Variants in HACD2 observed in about 807,000 individuals in gnomAD.
The protein encoded by HACD2 is 3-hydroxyacyl-CoA dehydratase 2, also known as very-long-chain (3R)-3-hydroxyacyl-CoA dehydratase 2.
A neutral mutation model predicts 31.0 loss-of-function variants in HACD2; 15 were observed. The ratio of observed to expected loss-of-function variants is 0.48; its 90% CI spans 0.32 to 0.75. The LOEUF (loss-of-function observed/expected upper bound fraction) is 0.75, where lower values mean the gene tolerates loss of function less well. Ranked by LOEUF, HACD2 falls within the 30% of genes least tolerant of loss-of-function variation. The probability of loss-of-function intolerance (pLI) is 0.03; values close to 1 mark genes in which losing one functional copy is unlikely to be tolerated. For missense variants in HACD2, 283 were observed against 313.0 expected, an observed-to-expected ratio of 0.90 and a Z score of 0.72; for synonymous variants, 115 against 122.2, an observed-to-expected ratio of 0.94 and a Z score of 0.39.
intron 2 of HACD2, among the ~76,000 whole-genome samples, chr3:123,574,925 G>C (rs545220900): frequency 6.6e-6 from 1 of 152,076 alleles, no homozygotes; most frequent in African/African-American, 2.4e-5. Context: ...ACTCTGGAGT[G>C]ATACAAAATT....
chr3:123,561,791 A>AC (rs1358547668), intron 3 of HACD2, among the ~76,000 whole-genome samples: 132 of 151,286 alleles, frequency 8.7e-4, no homozygotes, highest in Non-Finnish European at 1.2e-3. Flanking sequence ...AAAAAAAAAA[A>AC]CATATCTCAG....
At chr3:123,569,554 C>T (rs923331116) in intron 2 of HACD2, among the ~76,000 whole-genome samples, 2 of 152,092 alleles carry the variant, frequency 1.3e-5, no homozygotes, top group African/African-American at 4.8e-5. Context: ...TATGGACAGG[C>T]TTTTGCCATG....
At chr3:123,526,315 G>T (rs1486512727) in intron 4 of HACD2, among the ~76,000 whole-genome samples, 1 of 152,168 alleles carries the variant, frequency 6.6e-6, no homozygotes, top group Non-Finnish European at 1.5e-5. Flanking sequence ...GATGAATGAG[G>T]AGTTCTGTGC....
intron 2 of HACD2, among the ~76,000 whole-genome samples, chr3:123,570,828 T>C (rs556219457): frequency 1.6e-4 from 24 of 152,044 alleles, no homozygotes; most frequent in Non-Finnish European, 2.8e-4. Context: ...AATAAAGCCA[T>C]TGTTTAACAG....
At chr3:123,546,875 C>A (rs1325614221) in intron 3 of HACD2, among the ~76,000 whole-genome samples, 1 of 152,078 alleles carries the variant, frequency 6.6e-6, no homozygotes, top group Non-Finnish European at 1.5e-5. Flanking sequence ...AAAGCAATGA[C>A]ATCAATAAGA....
chr3:123,527,422 G>C (rs1235865716), intron 4 of HACD2, among the ~76,000 whole-genome samples: 1 of 152,146 alleles, frequency 6.6e-6, no homozygotes, highest in African/African-American at 2.4e-5. Flanking sequence ...TCCCACCTAG[G>C]ACACGAATCT....
At chr3:123,525,200 T>G (rs1300097419) in intron 4 of HACD2, among the ~76,000 whole-genome samples, 2 of 152,216 alleles carry the variant, frequency 1.3e-5, no homozygotes, top group Non-Finnish European at 2.9e-5. Flanking sequence ...AGCTTTTGTT[T>G]GTTCATTTAT....
At chr3:123,548,665 A>G (rs945762219) in intron 3 of HACD2, among the ~76,000 whole-genome samples, 1 of 152,000 alleles carries the variant, frequency 6.6e-6, no homozygotes, top group Non-Finnish European at 1.5e-5. Flanking sequence ...CTTGTCACTT[A>G]GGCTAAAGTA....
Position 123,492,911 on chromosome 3 carries a change from C to T in HACD2, c.*1977G>A, listed in dbSNP as rs557234591. 6.6e-6 allele frequency: 1 copy of T among 152,258 alleles called. No individual in the cohort carries two copies. Among genetic ancestry groups the T allele is most frequent in the Admixed American group, 6.5e-5 (1 of 15,298 alleles). The allele number at this position is 152,258 out of a possible 1,614,324, so 9.4% of individuals were successfully genotyped here. ...AATCTTTCCCACATATTTTGTCTATCAAATACAAGAATAGATTCTAATTTC... is the reference window on the plus strand; with the variant it reads ...AATCTTTCCCACATATTTTGTCTATTAAATACAAGAATAGATTCTAATTTC... On this transcript the variant is annotated 3_prime_UTR_variant, in exon 7 of 7. Transcript: ENST00000383657.
chr3:123,510,961 T>G (rs980382612), intron 4 of HACD2, among the ~76,000 whole-genome samples: 1 of 151,790 alleles, frequency 6.6e-6, no homozygotes, highest in Non-Finnish European at 1.5e-5. Context: ...TTTTGTTTTT[T>G]TTTTTAAATA....
chr3:123,571,551 G>C (rs984339293), intron 2 of HACD2, among the ~76,000 whole-genome samples: 3 of 152,184 alleles, frequency 2.0e-5, no homozygotes, highest in African/African-American at 7.2e-5. Flanking sequence ...CTCTAGGAAT[G>C]AGGAGTAACC....
chr3:123,568,125 G>A (rs1024902635), intron 2 of HACD2, among the ~76,000 whole-genome samples: 1 of 152,176 alleles, frequency 6.6e-6, no homozygotes, highest in Non-Finnish European at 1.5e-5. Flanking sequence ...TGTCCCATAT[G>A]CTATAGAACA....
In HACD2 at chr3:123,555,606, A is replaced by G. The variant is rs2056664891; in HGVS notation, c.292+12156T>C. On this transcript the variant is annotated intron_variant, in intron 3 of 6. Transcript: ENST00000383657. ...AGATCTAAATAAGTGGAGAAATATT[A>G]TATGTCTGTGGATTGAAAGAGTCAA... Among the ~76,000 whole-genome samples the G allele has an allele frequency of 2.0e-5, 3 of 152,226 alleles. No individual in the cohort carries two copies. The South Asian group carries it at 6.2e-4, about 32-fold the overall frequency.
chr3:123,527,927 T>A (rs1240480904), intron 4 of HACD2, among the ~76,000 whole-genome samples: 1 of 152,198 alleles, frequency 6.6e-6, no homozygotes, highest in Non-Finnish European at 1.5e-5. Flanking sequence ...TTGGAATGTA[T>A]TCCCCTTGGA....
At chr3:123,504,910 T>C (rs939012243) in intron 4 of HACD2, among the ~76,000 whole-genome samples, 1 of 152,100 alleles carries the variant, frequency 6.6e-6, no homozygotes, top group Non-Finnish European at 1.5e-5. Context: ...AAAACCAGCA[T>C]GATCAATGAG....
intron 3 of HACD2, among the ~76,000 whole-genome samples, chr3:123,553,109 G>A (rs1260679351): frequency 2.0e-5 from 3 of 152,164 alleles, no homozygotes; most frequent in Admixed American, 1.3e-4. Context: ...TACTGAAAGG[G>A]CCTATTGGGT....
intron 4 of HACD2, among the ~76,000 whole-genome samples, chr3:123,519,563 T>G (rs1264940110): frequency 6.6e-6 from 1 of 152,264 alleles, no homozygotes; most frequent in African/African-American, 2.4e-5. Context: ...ATCAGTTACC[T>G]GACTGAATTC....
At chr3:123,578,415 C>T (rs114827509) in intron 2 of HACD2, among the ~76,000 whole-genome samples, 2,194 of 152,168 alleles carry the variant, frequency 0.014, 55 homozygotes, top group African/African-American at 0.05. Context: ...GGACTACAGG[C>T]ATGTGCTACC....
At chr3:123,502,265 T>C (rs532459601) in intron 5 of HACD2, among the ~76,000 whole-genome samples, 48 of 152,206 alleles carry the variant, frequency 3.2e-4, no homozygotes, top group Non-Finnish European at 5.4e-4. Context: ...GGCAAATCTC[T>C]ATTGATTGCT....
Sources: allele counts gnomAD v4.1 joint callset (sites outside exome capture counted in the v4.1 genomes callset), GRCh38; gene constraint gnomAD v4.1.1; transcripts MANE v1.5; gene names NCBI Gene and HGNC (gene_info 2026-07-23, HGNC 2026-07-21).